Variants in HIVEP3 observed in about 807,000 individuals in gnomAD.
HIVEP3 encodes HIVEP zinc finger 3.
A neutral mutation model predicts 152.8 loss-of-function variants in HIVEP3; 49 were observed. The observed-to-expected ratio is 0.32, with a 90% CI of 0.26 to 0.41. The LOEUF (loss-of-function observed/expected upper bound fraction) is 0.41, where lower values mean the gene tolerates loss of function less well. Ranked by LOEUF, HIVEP3 falls within the 10% of genes least tolerant of loss-of-function variation. HIVEP3 has a pLI of 1.00. For synonymous variants in HIVEP3, 1,269 were observed against 1,289.0 expected (o/e 0.98, Z 0.33); for missense variants, 2,790 against 3,103.3 (o/e 0.90, Z 2.40).
intron 5 of HIVEP3, among the ~76,000 whole-genome samples, chr1:41,573,915 G>A (rs942228316): frequency 4.6e-5 from 7 of 152,128 alleles, no homozygotes; most frequent in Admixed American, 2.0e-4. Context: ...TGGAGGAAGA[G>A]AAGAGGACTT....
chr1:41,789,757 A>G (rs1450487357), intron 1 of HIVEP3, among the ~76,000 whole-genome samples: 1 of 152,232 alleles, frequency 6.6e-6, no homozygotes, highest in African/African-American at 2.4e-5. Flanking sequence ...AACTCTAAAC[A>G]GGAAGTAGTG....
intron 1 of HIVEP3, among the ~76,000 whole-genome samples, chr1:41,740,112 C>G (rs1387707556): frequency 1.3e-5 from 2 of 152,232 alleles, no homozygotes; most frequent in Admixed American, 6.5e-5. Context: ...TCCTCCAGGT[C>G]TCCCCATACT....
intron 5 of HIVEP3, among the ~76,000 whole-genome samples, chr1:41,526,397 T>C (rs1428991028): frequency 1.2e-5 from 1 of 82,472 alleles, no homozygotes; most frequent in Non-Finnish European, 2.4e-5. Flanking sequence ...CACTCACACA[T>C]GCCCACACCC....
chr1:41,629,010 A>G (rs1645156603), intron 2 of HIVEP3, 63 bp from the exon 3 acceptor site: 1 of 1,173,790 alleles, frequency 8.5e-7, no homozygotes, highest in Non-Finnish European at 1.1e-6. Flanking sequence ...TTAGACACAG[A>G]ACAATCCCTG....
chr1:41,971,024 C>A lies in HIVEP3; in HGVS notation n.120-52500G>T, dbSNP rs1302018879. 2.0e-5 allele frequency among the ~76,000 whole-genome samples: 3 copies of A among 152,074 alleles called. No individual in the cohort carries two copies. The South Asian group carries it at 6.2e-4, about 32-fold the overall frequency. On this transcript the variant is annotated intron_variant and non_coding_transcript_variant, in intron 1 of 3. Coordinates refer to the HIVEP3 transcript ENST00000489103. ...ATTTGATGTAGAAAAAAAATATAGA[C>A]CTGATTTAATTTTTAAATTGGTATA...
chr1:41,643,736 G>C (rs143431953), intron 2 of HIVEP3, among the ~76,000 whole-genome samples: 1 of 152,060 alleles, frequency 6.6e-6, no homozygotes, highest in African/African-American at 2.4e-5. Context: ...ACCTGGAGAC[G>C]GACAGAGGTC....
chr1:42,015,104 C>T (rs541085791), intron 1 of HIVEP3, among the ~76,000 whole-genome samples: 6 of 152,272 alleles, frequency 3.9e-5, no homozygotes, highest in East Asian at 1.9e-4. Flanking sequence ...AGGAAATCCC[C>T]GGGGCTCATG....
intron 1 of HIVEP3, among the ~76,000 whole-genome samples, chr1:41,753,853 G>T (rs1647210385): frequency 6.6e-6 from 1 of 152,126 alleles, no homozygotes; most frequent in Non-Finnish European, 1.5e-5. Context: ...GTGAATGAAT[G>T]AACAAAATCT....
At chr1:41,881,007 T>C (rs115994638) in intron 1 of HIVEP3, among the ~76,000 whole-genome samples, 69 of 152,348 alleles carry the variant, frequency 4.5e-4, no homozygotes, top group African/African-American at 1.3e-3. Context: ...TAGCCTAGCT[T>C]CCTAGAAATA....
At chr1:41,518,913 C>T (rs621680) in intron 6 of HIVEP3, among the ~76,000 whole-genome samples, 61,515 of 150,280 alleles carry the variant, frequency 0.41, 13,160 homozygotes, top group African/African-American at 0.47. Context: ...TGTGGGATGA[C>T]GTGGGAGGCT....
chr1:41,640,995 G>A (rs1217964821), intron 2 of HIVEP3, among the ~76,000 whole-genome samples: 1 of 152,272 alleles, frequency 6.6e-6, no homozygotes, highest in Non-Finnish European at 1.5e-5. Context: ...GAGCAAGAGT[G>A]CACGCCCTGG....
At chr1:41,792,674 C>T (rs946743238) in intron 1 of HIVEP3, among the ~76,000 whole-genome samples, 1 of 152,166 alleles carries the variant, frequency 6.6e-6, no homozygotes, top group African/African-American at 2.4e-5. Context: ...CAGGAGCTGC[C>T]CTGACTGGGG....
chr1:41,611,384 C>G (rs1467919224), intron 3 of HIVEP3, among the ~76,000 whole-genome samples: 3 of 152,160 alleles, frequency 2.0e-5, no homozygotes, highest in African/African-American at 7.2e-5. Flanking sequence ...CTGGGATAAT[C>G]AATCATAAGA....
At chr1:41,636,199 G>A (rs916457650) in intron 2 of HIVEP3, among the ~76,000 whole-genome samples, 1 of 152,116 alleles carries the variant, frequency 6.6e-6, no homozygotes, top group African/African-American at 2.4e-5. Context: ...CAAACCACAT[G>A]GCAAATAGTG....
At chr1:41,834,694 T>C (rs1442163064) in intron 1 of HIVEP3, among the ~76,000 whole-genome samples, 1 of 152,152 alleles carries the variant, frequency 6.6e-6, no homozygotes, top group East Asian at 1.9e-4. Context: ...ACAAAACAGA[T>C]ATAAATCCCT....
At chr1:41,658,786 G>A (rs934222689) in intron 2 of HIVEP3, among the ~76,000 whole-genome samples, 13 of 152,180 alleles carry the variant, frequency 8.5e-5, no homozygotes, top group South Asian at 6.2e-4. Context: ...ATCAGGAACC[G>A]CACAGATGTA....
intron 1 of HIVEP3, among the ~76,000 whole-genome samples, chr1:41,907,011 C>T (rs1644723630): frequency 6.6e-6 from 1 of 152,080 alleles, no homozygotes; most frequent in Admixed American, 6.5e-5. Flanking sequence ...TCTCAGCCTG[C>T]TTCAGAGGGG....
chr1:41,611,813 A>T (rs958294049), intron 3 of HIVEP3, among the ~76,000 whole-genome samples: 4 of 152,152 alleles, frequency 2.6e-5, no homozygotes, highest in African/African-American at 9.7e-5. Context: ...TATTCACTAG[A>T]GTTGGGTTTC....
intron 2 of HIVEP3, among the ~76,000 whole-genome samples, chr1:41,637,404 T>C (rs1351080163): frequency 6.6e-6 from 1 of 152,250 alleles, no homozygotes; most frequent in African/African-American, 2.4e-5. Flanking sequence ...GCTTTGTCTA[T>C]GTGACGTACA....
Sources: gnomAD v4.1 joint callset for allele counts (sites outside exome capture counted in the v4.1 genomes callset) on GRCh38, gnomAD v4.1.1 for gene constraint, MANE v1.5 for transcripts, NCBI Gene and HGNC (gene_info 2026-07-23, HGNC 2026-07-21) for gene names.